RNLS: variants seen among roughly 807,000 people sequenced by gnomAD.
RNLS encodes the protein renalase, FAD dependent amine oxidase.
A neutral mutation model predicts 39.8 loss-of-function variants in RNLS; 39 were observed. That is an observed-to-expected ratio of 0.98 (90% confidence interval 0.76 to 1.28). RNLS has a LOEUF of 1.28. RNLS is among the 50% of genes most tolerant of loss of function. The probability of loss-of-function intolerance (pLI) is 0.00; values close to 1 mark genes in which losing one functional copy is unlikely to be tolerated. For missense variants in RNLS, 410 were observed against 413.3 expected (o/e 0.99, Z 0.07); for synonymous variants, 147 against 150.7 (o/e 0.98, Z 0.18).
intron 4 of RNLS, among the ~76,000 whole-genome samples, chr10:88,452,377 C>A (rs1474280681): frequency 6.6e-6 from 1 of 152,186 alleles, no homozygotes; most frequent in East Asian, 1.9e-4. Context: ...TCACACACTG[C>A]ATGCTCTGGA....
intron 6 of RNLS, among the ~76,000 whole-genome samples, chr10:88,289,771 A>G (rs944777693): frequency 2.0e-5 from 3 of 152,164 alleles, no homozygotes; most frequent in Non-Finnish European, 4.4e-5. Flanking sequence ...AAACCTACAC[A>G]AAAAGTATTA....
the RNLS span, among the ~76,000 whole-genome samples, chr10:88,199,064 A>G: frequency 6.6e-6 from 1 of 152,154 alleles, no homozygotes; most frequent in African/African-American, 2.4e-5. Context: ...GGAGGAAATG[A>G]AGTTGGGGAA....
chr10:88,360,538 G>A (rs2133358510), intron 5 of RNLS, among the ~76,000 whole-genome samples: 1 of 152,324 alleles, frequency 6.6e-6, no homozygotes, highest in South Asian at 2.1e-4. Flanking sequence ...GGGTTCAAGA[G>A]TGATTCTCCT....
At chr10:88,531,543 G>A (rs781471360) in intron 4 of RNLS, among the ~76,000 whole-genome samples, 1 of 151,986 alleles carries the variant, frequency 6.6e-6, no homozygotes, top group Non-Finnish European at 1.5e-5. Flanking sequence ...TAGCAATGCA[G>A]GCACTCCCCA....
chr10:88,316,101 A>G (rs1359688573), intron 5 of RNLS, among the ~76,000 whole-genome samples: 1 of 152,204 alleles, frequency 6.6e-6, no homozygotes, highest in Non-Finnish European at 1.5e-5. Context: ...TTTAAAGTGA[A>G]GTGAATGCTT....
intron 4 of RNLS, among the ~76,000 whole-genome samples, chr10:88,472,149 G>C (rs755543967): frequency 6.6e-6 from 1 of 152,186 alleles, no homozygotes; most frequent in Non-Finnish European, 1.5e-5. Flanking sequence ...AATAACCCAG[G>C]CCTGCTGAGT....
intron 4 of RNLS, among the ~76,000 whole-genome samples, chr10:88,443,331 T>C (rs1201649443): frequency 6.6e-6 from 1 of 152,128 alleles, no homozygotes; most frequent in Admixed American, 6.5e-5. Flanking sequence ...TTAAATTCCA[T>C]GGGCAGTTCC....
chr10:88,496,150 C>A (rs926046293), intron 4 of RNLS, among the ~76,000 whole-genome samples: 2 of 151,986 alleles, frequency 1.3e-5, no homozygotes, highest in African/African-American at 4.8e-5. Flanking sequence ...TAAGGGAAAA[C>A]AATTTGAAAT....
Position 88,284,708 on chromosome 10 carries a change from A to G in RNLS, c.*646T>C. On this transcript the variant is annotated 3_prime_UTR_variant, in exon 7 of 7. Coordinates refer to ENST00000331772, the MANE Select transcript of RNLS (RefSeq NM_001031709.3). ...AGGACTGGAATTTGTTTGAAAGTTAAAAAGTACTGTGTGGCTGGGAAAATC... is the reference window on the plus strand; with the variant it reads ...AGGACTGGAATTTGTTTGAAAGTTAGAAAGTACTGTGTGGCTGGGAAAATC... The G allele has an allele frequency of 1.0e-6, 1 of 985,324 alleles. No homozygotes were observed. The highest frequency in any genetic ancestry group is 1.2e-6 in the Non-Finnish European group (1 of 829,902). The allele number at this position is 985,324 out of a possible 1,614,324, so 61.0% of individuals were successfully genotyped here. A position where few individuals can be genotyped will look rare whatever the true frequency, so the allele number is the denominator to read the frequency against.
intron 4 of RNLS, among the ~76,000 whole-genome samples, chr10:88,497,825 A>C (rs1039668352): frequency 2.0e-5 from 3 of 152,104 alleles, no homozygotes; most frequent in Non-Finnish European, 4.4e-5. Context: ...AGACACAACA[A>C]CACCTGGTCT....
chr10:88,405,533 T>C (rs1853210156), intron 4 of RNLS, among the ~76,000 whole-genome samples: 1 of 152,116 alleles, frequency 6.6e-6, no homozygotes, highest in South Asian at 2.1e-4. Context: ...TTGCTTTTGG[T>C]GTCCTTTCGC....
the RNLS span, among the ~76,000 whole-genome samples, chr10:88,236,453 G>A: frequency 6.6e-6 from 1 of 152,114 alleles, no homozygotes; most frequent in African/African-American, 2.4e-5. Flanking sequence ...ATGAAAAGAG[G>A]TTCTTCAACC....
chr10:88,548,261 C>CAAAAAAAAAAAA lies in RNLS; in HGVS notation c.526+24630_526+24641dup, dbSNP rs869175046. Among the ~76,000 whole-genome samples, 172 of 32,408 alleles carry CAAAAAAAAAAAA rather than the reference C, an allele frequency of 5.3e-3. 3 individuals are homozygous for CAAAAAAAAAAAA. The highest frequency in any genetic ancestry group is 6.5e-3 in the Non-Finnish European group (142 of 21,756). The allele number at this position is 32,408 out of a possible 152,430, so 21.3% of individuals were successfully genotyped here. A position where few individuals can be genotyped will look rare whatever the true frequency, so the allele number is the denominator to read the frequency against. On this transcript the variant is annotated intron_variant, in intron 4 of 6. Transcript: ENST00000331772. ...TGGGCGACAGAGCAAGACTCCGTCTCAAAAAAAAAAAAAAAAAAAAAAAAA... is the reference window on the plus strand; with the variant it reads ...TGGGCGACAGAGCAAGACTCCGTCTCAAAAAAAAAAAAAAAAAAAAAAAAAAAAAAAAAAAAA...
At chr10:88,523,207 A>G (rs1846865643) in intron 4 of RNLS, among the ~76,000 whole-genome samples, 2 of 152,092 alleles carry the variant, frequency 1.3e-5, no homozygotes, top group Non-Finnish European at 2.9e-5. Flanking sequence ...TAAAGGGAGG[A>G]TTCTGAACCT....
intron 4 of RNLS, among the ~76,000 whole-genome samples, chr10:88,507,302 T>C (rs1451602965): frequency 6.6e-6 from 1 of 152,078 alleles, no homozygotes; most frequent in Non-Finnish European, 1.5e-5. Flanking sequence ...AATAATTTTC[T>C]TTGAATATTT....
At chr10:88,380,732 A>T (rs1273975082) in intron 4 of RNLS, among the ~76,000 whole-genome samples, 2 of 152,074 alleles carry the variant, frequency 1.3e-5, no homozygotes. Flanking sequence ...AAGAATATAA[A>T]AATATCCTAT....
chr10:88,552,706 G>A (rs955370343), intron 4 of RNLS, among the ~76,000 whole-genome samples: 6 of 152,012 alleles, frequency 3.9e-5, no homozygotes, highest in Admixed American at 3.9e-4. Flanking sequence ...GGACTATGAT[G>A]AGGATACATA....
chr10:88,534,986 A>C (rs1847657332), intron 4 of RNLS, among the ~76,000 whole-genome samples: 1 of 152,186 alleles, frequency 6.6e-6, no homozygotes, highest in African/African-American at 2.4e-5. Context: ...AATACTTTAC[A>C]TAAATAAATA....
chr10:88,210,885 G>A, the RNLS span, among the ~76,000 whole-genome samples: 2 of 152,094 alleles, frequency 1.3e-5, no homozygotes, highest in African/African-American at 4.8e-5. Flanking sequence ...TGGGTGAGGC[G>A]AGTCCCAGTG....
Sources: gnomAD v4.1 joint callset for allele counts (sites outside exome capture counted in the v4.1 genomes callset) on GRCh38, gnomAD v4.1.1 for gene constraint, MANE v1.5 for transcripts, NCBI Gene and HGNC (gene_info 2026-07-23, HGNC 2026-07-21) for gene names.